STAG1: variants seen among roughly 807,000 people sequenced by gnomAD.
STAG1 encodes the protein cohesin subunit SA-1.
Under a neutral mutation model 170.9 loss-of-function variants are expected in STAG1, and 26 were observed. The observed-to-expected ratio is 0.15, with a 90% CI of 0.11 to 0.21. The LOEUF (loss-of-function observed/expected upper bound fraction) is 0.21. STAG1 is among the 10% of genes least tolerant of loss of function. The pLI, the probability that STAG1 is intolerant of heterozygous loss-of-function variation, is 1.00. For missense variants in STAG1, 964 were observed against 1,509.5 expected, an observed-to-expected ratio of 0.64 and a Z score of 5.99; for synonymous variants, 514 against 497.7, an observed-to-expected ratio of 1.03 and a Z score of -0.44.
At chr3:136,384,571 C>T (rs1370268572) in intron 22 of STAG1, among the ~76,000 whole-genome samples, 1 of 151,696 alleles carries the variant, frequency 6.6e-6, no homozygotes, top group East Asian at 1.9e-4. Flanking sequence ...GAGTTTGATA[C>T]CAGCCTGGCC....
chr3:136,722,649 TC>T (rs1933354279), intron 1 of STAG1, among the ~76,000 whole-genome samples: 1 of 124,218 alleles, frequency 8.1e-6, no homozygotes, highest in African/African-American at 3.1e-5. Context: ...CCCCTCCCTC[TC>T]CCCTCTCCCT....
chr3:136,666,776 C>T lies in STAG1; in HGVS notation c.-83-35795G>A, dbSNP rs539263111. Among the ~76,000 whole-genome samples the T allele has an allele frequency of 4.0e-5, 6 of 151,060 alleles. No individual in the cohort carries two copies. In the South Asian group the frequency reaches 8.4e-4, roughly 21 times the overall value. On this transcript the variant is annotated intron_variant, in intron 1 of 33. Coordinates refer to ENST00000383202, the MANE Select transcript of STAG1 (RefSeq NM_005862.3). Reference sequence around the variant, plus strand: ...TGGAGGTTGCAGTGAGCCGAGATCACGCCATTGCACTCCAGCCTGGGTGAC... The same window carrying T: ...TGGAGGTTGCAGTGAGCCGAGATCATGCCATTGCACTCCAGCCTGGGTGAC...
intron 23 of STAG1, among the ~76,000 whole-genome samples, chr3:136,377,303 C>T (rs1256715889): frequency 2.4e-5 from 3 of 126,260 alleles, no homozygotes; most frequent in Non-Finnish European, 3.2e-5. Flanking sequence ...AGGAGAATGG[C>T]GTGAACCCGG....
chr3:136,508,014 T>C (rs1933857322), intron 7 of STAG1, among the ~76,000 whole-genome samples: 1 of 152,106 alleles, frequency 6.6e-6, no homozygotes, highest in African/African-American at 2.4e-5. Flanking sequence ...AGTGAAGTAG[T>C]AGAGACAGAA....
At chr3:136,654,243 A>G (rs920130467) in intron 1 of STAG1, among the ~76,000 whole-genome samples, 7 of 152,224 alleles carry the variant, frequency 4.6e-5, no homozygotes, top group Non-Finnish European at 1.0e-4. Context: ...AGAAAACCCT[A>G]AAGATTTCAC....
At chr3:136,646,478 C>T (rs1941017970) in intron 1 of STAG1, among the ~76,000 whole-genome samples, 1 of 152,188 alleles carries the variant, frequency 6.6e-6, no homozygotes, top group African/African-American at 2.4e-5. Context: ...AACTTTTTGT[C>T]TCTCCCTCAA....
At chr3:136,369,903 AC>A (rs943636181) in intron 23 of STAG1, among the ~76,000 whole-genome samples, 1 of 152,168 alleles carries the variant, frequency 6.6e-6, no homozygotes, top group Admixed American at 6.6e-5. Context: ...GTGGTGCAAC[AC>A]ATTACTCACG....
chr3:136,412,119 TAA>T (rs1229771559), intron 21 of STAG1, among the ~76,000 whole-genome samples: 4 of 151,638 alleles, frequency 2.6e-5, no homozygotes, highest in Non-Finnish European at 5.9e-5. Flanking sequence ...AGAACCAAAA[TAA>T]AAAAAGAGTA....
chr3:136,452,761 T>G (rs866810740), intron 13 of STAG1, among the ~76,000 whole-genome samples: 2 of 152,150 alleles, frequency 1.3e-5, no homozygotes, highest in East Asian at 3.9e-4. Context: ...TCCTGTATGA[T>G]TGATACTAGA....
intron 5 of STAG1, among the ~76,000 whole-genome samples, chr3:136,544,548 A>C (rs1423404911): frequency 6.6e-6 from 1 of 152,130 alleles, no homozygotes; most frequent in Non-Finnish European, 1.5e-5. Flanking sequence ...AGACTGCTTA[A>C]GATCAAGAGT....
chr3:136,584,120 G>A (rs528112429), intron 4 of STAG1, among the ~76,000 whole-genome samples: 7 of 152,258 alleles, frequency 4.6e-5, no homozygotes, highest in African/African-American at 1.2e-4. Flanking sequence ...ACCAACAATC[G>A]TTAAAAGCAC....
chr3:136,426,737 A>G (rs112106472), intron 16 of STAG1, among the ~76,000 whole-genome samples: 1 of 152,048 alleles, frequency 6.6e-6, no homozygotes, highest in Non-Finnish European at 1.5e-5. Context: ...TCAGGAGTTC[A>G]AGAGCAGTTT....
rs187542827 is a variant in STAG1 at position 136,563,531 on chromosome 3, C to T, written c.394+5234G>A. Among the ~76,000 whole-genome samples the T allele has an allele frequency of 3.9e-3, 593 of 151,372 alleles. 6 individuals are homozygous for T. Among genetic ancestry groups the T allele is most frequent in the African/African-American group, 0.014 (573 of 40,928 alleles). ...TCCGACACACACACACGCACGCACG[C>T]ACAAACTCTCTCTCTCTCTCTCTCG... On this transcript the variant is annotated intron_variant, in intron 5 of 33. Coordinates refer to ENST00000383202, the MANE Select transcript of STAG1 (RefSeq NM_005862.3).
chr3:136,485,872 G>C (rs1229803562), intron 9 of STAG1, among the ~76,000 whole-genome samples: 2 of 152,142 alleles, frequency 1.3e-5, no homozygotes, highest in Non-Finnish European at 1.5e-5. Context: ...AGTGTCCACT[G>C]TTCCTTTCTA....
intron 6 of STAG1, among the ~76,000 whole-genome samples, chr3:136,530,189 T>C (rs2107926704): frequency 6.6e-6 from 1 of 152,306 alleles, no homozygotes; most frequent in East Asian, 1.9e-4. Flanking sequence ...TAATTAATAA[T>C]TTTTAGTATA....
In STAG1 at chr3:136,596,875, C is replaced by A. The variant is rs182534637; in HGVS notation, c.297+7434G>T. Among the ~76,000 whole-genome samples, 58 of 152,266 alleles carry A rather than the reference C, an allele frequency of 3.8e-4. No individual in the cohort carries two copies. The East Asian group carries it at 8.7e-3, about 23-fold the overall frequency. The stretch of plus-strand genomic sequence containing the variant: ...ACTGCTTGAGGCCAGGAGTTCAAGA[C>A]CAGCTTGGCCAACATAGGGAAACCT... On this transcript the variant is annotated intron_variant, in intron 4 of 33. Transcript: ENST00000383202.
intron 11 of STAG1, 123 bp downstream of exon 11, chr3:136,473,416 T>TGG (rs1235493059): frequency 4.4e-6 from 3 of 679,886 alleles, no homozygotes; most frequent in Non-Finnish European, 7.1e-6. Context: ...CCAAAAAGGT[T>TGG]GGGGACTGCT....
intron 1 of STAG1, among the ~76,000 whole-genome samples, chr3:136,747,266 C>T (rs10155016): frequency 2.1e-4 from 31 of 147,910 alleles, no homozygotes; most frequent in African/African-American, 7.5e-4. Context: ...GAGCAAGACT[C>T]GTCCCAAAAA....
intron 7 of STAG1, among the ~76,000 whole-genome samples, chr3:136,507,529 T>C (rs1933826045): frequency 1.3e-5 from 2 of 151,958 alleles, no homozygotes; most frequent in Admixed American, 6.6e-5. Flanking sequence ...GCCCAGCTAA[T>C]TAAAAAAAAA....
Sources: allele counts gnomAD v4.1 joint callset (sites outside exome capture counted in the v4.1 genomes callset), GRCh38; gene constraint gnomAD v4.1.1; transcripts MANE v1.5; gene names NCBI Gene and HGNC (gene_info 2026-07-23, HGNC 2026-07-21).